Variants in DPP10 observed in about 807,000 individuals in gnomAD.
DPP10 encodes dipeptidyl peptidase like 10.
Under a neutral mutation model 120.9 loss-of-function variants are expected in DPP10, and 33 were observed. That is an observed-to-expected ratio of 0.27 (90% CI 0.21 to 0.37). The LOEUF is 0.37. Among genes scored for constraint, DPP10 ranks in the 10% least tolerant of loss-of-function variants. DPP10 has a pLI of 1.00. For missense variants in DPP10, 816 were observed against 942.8 expected (o/e 0.87, Z 1.76); for synonymous variants, 337 against 326.1 (o/e 1.03, Z -0.36).
At chr2:115,823,866 C>T (rs933675347) in intron 21 of DPP10, among the ~76,000 whole-genome samples, 4 of 152,034 alleles carry the variant, frequency 2.6e-5, no homozygotes, top group Admixed American at 6.6e-5. Flanking sequence ...ATGTAAAAAG[C>T]GATGTGATTC....
At chr2:114,524,341 C>A (rs892302727) in intron 1 of DPP10, among the ~76,000 whole-genome samples, 2 of 152,156 alleles carry the variant, frequency 1.3e-5, no homozygotes, top group East Asian at 3.9e-4. Context: ...AAGCAACCTC[C>A]CAGATAACGC....
At chr2:114,825,696 AG>A (rs1184303028) in intron 1 of DPP10, among the ~76,000 whole-genome samples, 1 of 152,202 alleles carries the variant, frequency 6.6e-6, no homozygotes, top group Non-Finnish European at 1.5e-5. Flanking sequence ...TTTGAGATAA[AG>A]AGACATATGC....
chr2:114,494,110 A>AAAAAC (rs1176974293), intron 1 of DPP10, among the ~76,000 whole-genome samples: 2 of 145,566 alleles, frequency 1.4e-5, no homozygotes, highest in Non-Finnish European at 3.0e-5. Flanking sequence ...GCAAAAAAAA[A>AAAAAC]AAAAAAAAAA....
At chr2:115,044,761 C>T (rs1012527770) in intron 1 of DPP10, among the ~76,000 whole-genome samples, 7 of 152,168 alleles carry the variant, frequency 4.6e-5, no homozygotes, top group Admixed American at 3.9e-4. Flanking sequence ...TCCCCTGCAT[C>T]TCTCACTACC....
In DPP10 at chr2:115,133,139, GTGTGTGTATATATA is replaced by G. The variant is rs1390474620; in HGVS notation, c.61-176098_61-176085del. On this transcript the variant is annotated intron_variant, in intron 1 of 25. Coordinates refer to ENST00000410059, the MANE Select transcript of DPP10 (RefSeq NM_020868.6). Reference sequence around the variant, plus strand: ...TATGTGTGTGTGTGTGTGTGTGTGTGTGTGTGTATATATATATATATATATATATATATATATAG... The same window carrying G: ...TATGTGTGTGTGTGTGTGTGTGTGTGTATATATATATATATATATATATAG... 4.1e-3 allele frequency among the ~76,000 whole-genome samples: 274 copies of G among 67,276 alleles called. 1 individual carries two copies. The highest frequency in any genetic ancestry group is 0.02 in the African/African-American group (255 of 12,976). 44.1% of individuals were successfully genotyped at this position (67,276 alleles called of 152,430 possible). A position where few individuals can be genotyped will look rare whatever the true frequency, so the allele number is the denominator to read the frequency against.
At chr2:115,768,767 C>G (rs975917112) in intron 13 of DPP10, among the ~76,000 whole-genome samples, 4 of 151,928 alleles carry the variant, frequency 2.6e-5, no homozygotes, top group African/African-American at 9.7e-5. Flanking sequence ...GTAATATTCT[C>G]CAGGTGTTAT....
chr2:114,648,991 C>T (rs1464244350), intron 1 of DPP10, among the ~76,000 whole-genome samples: 1 of 152,148 alleles, frequency 6.6e-6, no homozygotes, highest in African/African-American at 2.4e-5. Context: ...GGTGGAAAAG[C>T]ACAACTAACG....
chr2:115,804,867 A>C (rs141644606), intron 19 of DPP10, among the ~76,000 whole-genome samples: 2,991 of 152,100 alleles, frequency 0.02, 86 homozygotes, highest in African/African-American at 0.062. Context: ...CAGTTAGGCT[A>C]CTCGGGGGTC....
chr2:115,042,008 C>CTTTT lies in DPP10; in HGVS notation c.61-267212_61-267209dup, dbSNP rs5833573. ...AAATTAAACTGTTTTTCTATCTTAT[C>CTTTT]TTTTTTTTTTTTTTTTTTTTTTGCA... is the stretch of plus-strand genomic sequence containing the variant. On this transcript the variant is annotated intron_variant, in intron 1 of 25. Transcript: ENST00000410059. Among the ~76,000 whole-genome samples the CTTTT allele has an allele frequency of 1.2e-3, 97 of 80,316 alleles. 1 individual carries two copies. The highest frequency in any genetic ancestry group is 1.4e-3 in the Non-Finnish European group (60 of 42,132). 52.7% of individuals were successfully genotyped at this position (80,316 alleles called of 152,430 possible).
chr2:115,341,200 C>T (rs1357583533), intron 2 of DPP10, among the ~76,000 whole-genome samples: 1 of 152,092 alleles, frequency 6.6e-6, no homozygotes, highest in Non-Finnish European at 1.5e-5. Flanking sequence ...CCTCCTTCTC[C>T]TGCCCCTAGT....
chr2:114,999,889 CA>C (rs1465753852), intron 1 of DPP10, among the ~76,000 whole-genome samples: 1 of 152,150 alleles, frequency 6.6e-6, no homozygotes, highest in Admixed American at 6.5e-5. Flanking sequence ...AAAAAAGAAT[CA>C]TCAAAAGGAT....
At chr2:115,768,487 T>C in intron 13 of DPP10, 83 bp downstream of exon 13, 1 of 1,233,856 alleles carries the variant, frequency 8.1e-7, no homozygotes. Flanking sequence ...TCTAAACCTC[T>C]AGTTCATGGT....
chr2:114,581,876 C>A (rs1056027697), intron 1 of DPP10, among the ~76,000 whole-genome samples: 9 of 152,142 alleles, frequency 5.9e-5, no homozygotes, highest in Admixed American at 5.2e-4. Flanking sequence ...TCTGCCACAT[C>A]CTTTCCCAGT....
intron 3 of DPP10, among the ~76,000 whole-genome samples, chr2:115,433,223 G>A (rs1225181848): frequency 1.3e-5 from 2 of 151,920 alleles, no homozygotes; most frequent in Non-Finnish European, 2.9e-5. Flanking sequence ...TGAAAGAAGG[G>A]CATTTTTCAT....
At chr2:115,563,704 T>C (rs1318681998) in intron 5 of DPP10, among the ~76,000 whole-genome samples, 1 of 152,204 alleles carries the variant, frequency 6.6e-6, no homozygotes, top group East Asian at 1.9e-4. Context: ...GAAATATTTC[T>C]GAGACAGAAT....
chr2:115,709,625 T>TA (rs59775151), intron 7 of DPP10, among the ~76,000 whole-genome samples: 1 of 150,958 alleles, frequency 6.6e-6, no homozygotes, highest in African/African-American at 2.4e-5. Flanking sequence ...GTATTTAAAA[T>TA]AAAAAAAAAA....
chr2:115,728,702 C>T (rs942167160), intron 8 of DPP10, among the ~76,000 whole-genome samples: 19 of 152,264 alleles, frequency 1.2e-4, no homozygotes, highest in African/African-American at 4.6e-4. Context: ...AATGTAATCT[C>T]TCTACCTCAG....
At chr2:115,403,948 ATAAT>A (rs2068311563) in intron 3 of DPP10, among the ~76,000 whole-genome samples, 1 of 152,218 alleles carries the variant, frequency 6.6e-6, no homozygotes, top group Non-Finnish European at 1.5e-5. Flanking sequence ...CTATATTGCA[ATAAT>A]GGTCTATCTT....
At chr2:114,831,815 T>C (rs79366900) in intron 1 of DPP10, among the ~76,000 whole-genome samples, 7,480 of 148,026 alleles carry the variant, frequency 0.051, 578 homozygotes, top group African/African-American at 0.17. Context: ...TATGTGTCTA[T>C]ATAAGGTTTG....
Sources: gnomAD v4.1 joint callset for allele counts (sites outside exome capture counted in the v4.1 genomes callset) on GRCh38, gnomAD v4.1.1 for gene constraint, MANE v1.5 for transcripts, NCBI Gene and HGNC (gene_info 2026-07-23, HGNC 2026-07-21) for gene names.